CHTOP: variants seen among roughly 807,000 people sequenced by gnomAD.
CHTOP encodes the protein chromatin target of PRMT1, also known as chromatin target of PRMT1 protein.
A neutral mutation model predicts 33.6 loss-of-function variants in CHTOP; 18 were observed. The observed-to-expected ratio is 0.54, with a 90% CI of 0.37 to 0.80. CHTOP has a LOEUF of 0.80. Among genes scored for constraint, CHTOP ranks in the 30% least tolerant of loss-of-function variants. The pLI is 0.00. For missense variants in CHTOP, 263 were observed against 336.8 expected, an observed-to-expected ratio of 0.78 and a Z score of 1.71; for synonymous variants, 117 against 127.7, an observed-to-expected ratio of 0.92 and a Z score of 0.56.
At chr1:153,636,945 TGCA>T in intron 2 of CHTOP, 1 of 318,164 alleles carries the variant, frequency 3.1e-6, no homozygotes, top group South Asian at 4.2e-5. Flanking sequence ...ACTGGGGTCG[TGCA>T]GCACGGTAGC....
chr1:153,643,559 C>T (rs1293706713), intron 5 of CHTOP, 195 bp downstream of exon 5: 2 of 525,178 alleles, frequency 3.8e-6, no homozygotes, highest in Non-Finnish European at 6.3e-6. Context: ...AAGAATCAAT[C>T]AAGTGCATAT....
chr1:153,645,117 C>G lies in CHTOP; in HGVS notation c.595C>G (p.Arg199Gly). 1 of 1,613,896 alleles carries G rather than the reference C, an allele frequency of 6.2e-7. No homozygotes were observed. Among genetic ancestry groups the G allele is most frequent in the Non-Finnish European group, 8.5e-7 (1 of 1,180,008 alleles). Residue 199 changes from arginine (R) to glycine (G), a missense_variant, in exon 6 of 6, where the codon CGT becomes GGT. Around this residue, in one of 3 missense-constraint regions of CHTOP, gnomAD observed 168 missense variants for 179.9 expected, o/e 0.93. Transcript: ENST00000368694. ...RGGFGGRGRG[R>G]GRGRGALARP... is the part of the protein sequence containing the mutation. ...GGGCTTTGGAGGCCGAGGCCGAGGCCGTGGACGAGGGAGAGGTGCCCTTGC... is the reference window on the plus strand; with the variant it reads ...GGGCTTTGGAGGCCGAGGCCGAGGCGGTGGACGAGGGAGAGGTGCCCTTGC...
intron 5 of CHTOP, chr1:153,643,814 AT>A: frequency 6.5e-6 from 1 of 152,852 alleles, no homozygotes; most frequent in Middle Eastern, 3.4e-3. Context: ...GGAGCTGGGC[AT>A]TGGCTCTGAA....
rs752370223 is a variant in CHTOP at position 153,643,288 on chromosome 1, T to C, written c.465T>C (p.Gly155=). 3 of 1,613,808 alleles carry C rather than the reference T, an allele frequency of 1.9e-6. No individual in the cohort carries two copies. The highest frequency in any genetic ancestry group is 2.2e-5 in the East Asian group (1 of 44,880). The change falls in exon 5 of 6, where the codon GGT becomes GGC. Residue 155 remains glycine, a synonymous_variant. Transcript: ENST00000368694. ...CCCGAATGGGCTTAAGAAGAGGTGG[T>C]GTTCGAGGTCGTGGAGGTCCTGGGA... The part of the protein sequence containing the change: ...VAPRMGLRRG[G]VRGRGGPGRG...
chr1:153,634,765 T>G (rs1436538705), intron 1 of CHTOP, among the ~76,000 whole-genome samples: 1 of 151,884 alleles, frequency 6.6e-6, no homozygotes. Context: ...AGTTTCTTGT[T>G]AAAGTCCCTA....
At chr1:153,643,135 C>A in intron 4 of CHTOP, 92 bp from the exon 5 acceptor site, 1 of 1,493,202 alleles carries the variant, frequency 6.7e-7, no homozygotes, top group South Asian at 1.1e-5. Context: ...ACTGAATTAC[C>A]TTCATTTAAC....
intron 1 of CHTOP, among the ~76,000 whole-genome samples, chr1:153,634,677 G>T (rs1668263689): frequency 2.1e-5 from 1 of 48,226 alleles, no homozygotes; most frequent in Non-Finnish European, 4.4e-5. Flanking sequence ...CGGCTTTAGG[G>T]TTAAGTTTTG....
intron 3 of CHTOP, among the ~76,000 whole-genome samples, chr1:153,639,166 C>T (rs1370248210): frequency 6.6e-6 from 1 of 152,186 alleles, no homozygotes; most frequent in Admixed American, 6.5e-5. Flanking sequence ...CAGGCTTGAG[C>T]CACCGCGCCC....
intron 1 of CHTOP, 109 bp from the exon 2 acceptor site, chr1:153,636,463 T>G: frequency 1.3e-6 from 1 of 770,090 alleles, no homozygotes. Flanking sequence ...CGTGTGCTCT[T>G]TAGTCATCAG....
At chr1:153,641,166 A>G (rs993228786) in intron 3 of CHTOP, among the ~76,000 whole-genome samples, 1 of 152,242 alleles carries the variant, frequency 6.6e-6, no homozygotes, top group African/African-American at 2.4e-5. Context: ...GAAAGTTAAT[A>G]ATGCTTCACA....
At chr1:153,642,026 C>G (rs1361620310) in intron 3 of CHTOP, among the ~76,000 whole-genome samples, 1 of 152,216 alleles carries the variant, frequency 6.6e-6, no homozygotes, top group Non-Finnish European at 1.5e-5. Context: ...CACACTTGAG[C>G]TTCTTGGAGT....
At chr1:153,638,994 C>T (rs1485351314) in intron 3 of CHTOP, among the ~76,000 whole-genome samples, 1 of 151,936 alleles carries the variant, frequency 6.6e-6, no homozygotes, top group African/African-American at 2.4e-5. Flanking sequence ...CATTCTCCTG[C>T]CTCAGCCTCC....
At chr1:153,634,788 G>A (rs1668271946) in intron 1 of CHTOP, among the ~76,000 whole-genome samples, 1 of 151,154 alleles carries the variant, frequency 6.6e-6, no homozygotes, top group Non-Finnish European at 1.5e-5. Flanking sequence ...TGATTCTGGA[G>A]TTGAAAGCCA....
At chr1:153,638,000 C>T (rs1053718868) in intron 2 of CHTOP, 2 of 352,318 alleles carry the variant, frequency 5.7e-6, no homozygotes, top group African/African-American at 4.2e-5. Flanking sequence ...TGTCTCTTGT[C>T]ATATCTGCTT....
At position 153,645,372 on chromosome 1, in the gene CHTOP, A is replaced by G. The variant is rs1389124152; in HGVS notation, c.*103A>G. ...AATCTGATTGATGCTGGATGGACCT[A>G]TCACAATAGGCTGTGGACTTACTTG... is the stretch of plus-strand genomic sequence containing the variant. On this transcript the variant is annotated 3_prime_UTR_variant, in exon 6 of 6. Coordinates refer to ENST00000368694, the MANE Select transcript of CHTOP (RefSeq NM_015607.4). The G allele has an allele frequency of 1.8e-6, 2 of 1,132,306 alleles. No homozygotes were observed. Among genetic ancestry groups the G allele is most frequent in the East Asian group, 2.5e-5 (1 of 40,030 alleles). The allele number at this position is 1,132,306 out of a possible 1,614,324, so 70.1% of individuals were successfully genotyped here.
At chr1:153,639,006 G>A (rs1028457562) in intron 3 of CHTOP, among the ~76,000 whole-genome samples, 6 of 151,412 alleles carry the variant, frequency 4.0e-5, no homozygotes, top group Non-Finnish European at 5.9e-5. Context: ...TCAGCCTCCC[G>A]AACAGCTGGG....
Position 153,638,349 on chromosome 1 carries a change from G to A in CHTOP, c.120G>A (p.Ser40=), listed in dbSNP as rs761275423. The change falls in exon 3 of 6, where the codon TCG becomes TCA. Residue 40 remains serine (S), a synonymous_variant. Transcript: ENST00000368694. ...CGACGCCAGTGAATATTCGGGCTTC[G>A]ATGCAGCAACAACAGCAGCTAGCCA... is the stretch of plus-strand genomic sequence containing the variant. ...KQPTPVNIRA[S]MQQQQQLASA... The A allele has an allele frequency of 1.8e-5, 29 of 1,614,218 alleles. No homozygotes were observed. Among genetic ancestry groups the A allele is most frequent in the Non-Finnish European group, 2.4e-5 (28 of 1,180,042 alleles).
intron 3 of CHTOP, among the ~76,000 whole-genome samples, chr1:153,640,509 G>C (rs1668582846): frequency 6.6e-6 from 1 of 150,958 alleles, no homozygotes; most frequent in Non-Finnish European, 1.5e-5. Flanking sequence ...GCTGGGTATG[G>C]TGGCTCACAC....
chr1:153,641,344 C>CT (rs1668616854), intron 3 of CHTOP, among the ~76,000 whole-genome samples: 2 of 152,170 alleles, frequency 1.3e-5, no homozygotes, highest in South Asian at 4.1e-4. Context: ...ATTGCTGTCC[C>CT]TTTTTCCTTT....
Sources: gnomAD v4.1 joint callset for allele counts (sites outside exome capture counted in the v4.1 genomes callset) on GRCh38, gnomAD v4.1.1 for gene constraint, gnomAD v4.1.1 regional missense constraint, MANE v1.5 for transcripts, NCBI Gene and HGNC (gene_info 2026-07-23, HGNC 2026-07-21) for gene names.